The following LRRN2 variants were observed in gnomAD, a reference collection of about 807,000 sequenced individuals.
LRRN2 encodes the protein leucine rich repeat neuronal 2.
In LRRN2, 10 loss-of-function variants were observed where a neutral mutation model predicts 35.7. That is an observed-to-expected ratio of 0.28 (90% CI 0.17 to 0.47). LRRN2 has a LOEUF of 0.47. Ranked by LOEUF, LRRN2 falls within the 20% of genes least tolerant of loss-of-function variation. The probability of loss-of-function intolerance (pLI) is 0.99; values close to 1 mark genes in which losing one functional copy is unlikely to be tolerated. For synonymous variants in LRRN2, 391 were observed against 409.6 expected, an observed-to-expected ratio of 0.95 and a Z score of 0.55; for missense variants, 731 against 940.3, an observed-to-expected ratio of 0.78 and a Z score of 2.91.
chr1:204,675,885 G>T (rs1284552436), intron 1 of LRRN2, among the ~76,000 whole-genome samples: 1 of 152,226 alleles, frequency 6.6e-6, no homozygotes, highest in Non-Finnish European at 1.5e-5. Context: ...TTCTCCATGG[G>T]GGATATGCAG....
intron 1 of LRRN2, among the ~76,000 whole-genome samples, chr1:204,664,799 C>T (rs1268418598): frequency 1.3e-5 from 2 of 152,190 alleles, no homozygotes; most frequent in African/African-American, 4.8e-5. Flanking sequence ...CCGTCTTCTG[C>T]GTCTGCCTTG....
At chr1:204,683,617 G>A (rs1669001661) in intron 1 of LRRN2, among the ~76,000 whole-genome samples, 1 of 152,152 alleles carries the variant, frequency 6.6e-6, no homozygotes, top group South Asian at 2.1e-4. Context: ...CCCGGGAGGA[G>A]ACTGCATTAG....
chr1:204,617,979 A>G lies in LRRN2; in HGVS notation c.2014T>C (p.Trp672Arg), dbSNP rs755188032. 6.2e-7 allele frequency: 1 copy of G among 1,613,740 alleles called. No homozygotes were observed. Among genetic ancestry groups the G allele is most frequent in the South Asian group, 1.1e-5 (1 of 91,050 alleles). ...CGGACAGAAGGGGCACTCCAGCCCC[A>G]GAAAGCCCAGGCTGGAGGGAGAGGC... is the stretch of plus-strand genomic sequence containing the variant. The part of the protein sequence containing the change: ...RRPLPPAWAF[W>R]GWSAPSVRVV... Residue 672 changes from tryptophan (W) to arginine (R), a missense_variant, in exon 2 of 2, where the codon TGG becomes CGG. Trp to Arg is a moderately radical substitution (Grantham distance 101). Around this residue, in one of 3 missense-constraint regions of LRRN2, gnomAD observed 229 missense variants for 258.4 expected, o/e 0.89. Transcript: ENST00000367177.
intron 1 of LRRN2, among the ~76,000 whole-genome samples, chr1:204,682,681 C>T (rs968028004): frequency 6.6e-6 from 1 of 152,186 alleles, no homozygotes; most frequent in South Asian, 2.1e-4. Context: ...AAATTTGATT[C>T]CTTCCCCCTT....
rs1449587059 is a variant in LRRN2 at position 204,685,345 on chromosome 1, C to G, written c.-252G>C. ...CCCGTGGGCGCCGGGCACCGTCTGC[C>G]GTCTGCTGCCCGCGCGGCCGCGCTC... On this transcript the variant is annotated 5_prime_UTR_variant, in exon 1 of 2. Coordinates refer to ENST00000367177, the MANE Select transcript of LRRN2 (RefSeq NM_201630.2). 6.6e-6 allele frequency: 1 copy of G among 151,674 alleles called. No homozygotes were observed. Among genetic ancestry groups the G allele is most frequent in the African/African-American group, 2.4e-5 (1 of 41,360 alleles). 9.4% of individuals were successfully genotyped at this position (151,674 alleles called of 1,614,324 possible).
chr1:204,641,071 A>T (rs1384186264), intron 1 of LRRN2, among the ~76,000 whole-genome samples: 1 of 152,128 alleles, frequency 6.6e-6, no homozygotes, highest in Non-Finnish European at 1.5e-5. Context: ...GAGGGTTCTC[A>T]TGCCTGGATG....
chr1:204,644,597 A>T (rs1401327480), intron 1 of LRRN2, among the ~76,000 whole-genome samples: 1 of 152,148 alleles, frequency 6.6e-6, no homozygotes, highest in Admixed American at 6.5e-5. Flanking sequence ...CTCAGTTGTC[A>T]TCTCCTTTGT....
chr1:204,621,602 C>G (rs907954889), intron 1 of LRRN2: 3 of 167,120 alleles, frequency 1.8e-5, no homozygotes, highest in African/African-American at 7.2e-5. Flanking sequence ...GAATCAATCT[C>G]TGTGACTCCA....
In LRRN2 at chr1:204,619,930, G is replaced by A. The variant is rs556359797; in HGVS notation, c.63C>T (p.Pro21=). Reference sequence around the variant, plus strand: ...GGCAGGGAACATGCCAGGGTACCACGGGCACAGCGGCAGTGGCACCAGCCA... The same window carrying A: ...GGCAGGGAACATGCCAGGGTACCACAGGCACAGCGGCAGTGGCACCAGCCA... ...AWVAGATAAV[P]VVPWHVPCPP... Residue 21 remains proline, a synonymous_variant, in exon 2 of 2, where the codon CCC becomes CCT. Coordinates refer to ENST00000367177, the MANE Select transcript of LRRN2 (RefSeq NM_201630.2). 19 of 1,613,426 alleles carry A rather than the reference G, an allele frequency of 1.2e-5. 1 individual carries two copies. The Middle Eastern group carries it at 6.6e-4, about 56-fold the overall frequency.
chr1:204,626,947 T>A (rs984769831), intron 1 of LRRN2: 1 of 138,810 alleles, frequency 7.2e-6, no homozygotes, highest in African/African-American at 2.9e-5. Flanking sequence ...TTTTTCTTTT[T>A]TCTTTTTCTT....
intron 1 of LRRN2, among the ~76,000 whole-genome samples, chr1:204,684,501 C>T (rs1162167524): frequency 1.3e-5 from 2 of 152,202 alleles, no homozygotes; most frequent in Admixed American, 6.5e-5. Flanking sequence ...CTTCTCCGCT[C>T]GGCCCCAGAT....
Position 204,617,962 on chromosome 1 carries a change from A to G in LRRN2, c.2031T>C (p.Pro677=), listed in dbSNP as rs1666476755. Residue 677 remains proline (P), a synonymous_variant, in exon 2 of 2, where the codon CCT becomes CCC. Transcript: ENST00000367177. The part of the protein sequence containing the change: ...PAWAFWGWSA[P]SVRVVSAPLV... Reference sequence around the variant, plus strand: ...GGGGAGCAGACACAACCCGGACAGAAGGGGCACTCCAGCCCCAGAAAGCCC... The same window carrying G: ...GGGGAGCAGACACAACCCGGACAGAGGGGGCACTCCAGCCCCAGAAAGCCC... 6.2e-7 allele frequency: 1 copy of G among 1,613,946 alleles called. No homozygotes were observed. Among genetic ancestry groups the G allele is most frequent in the East Asian group, 2.2e-5 (1 of 44,870 alleles).
chr1:204,673,469 C>A (rs1161884045), intron 1 of LRRN2, among the ~76,000 whole-genome samples: 1 of 152,172 alleles, frequency 6.6e-6, no homozygotes, highest in Admixed American at 6.5e-5. Context: ...GAGACTGAGA[C>A]ACGTCCAGGG....
At chr1:204,683,777 T>G (rs1387428472) in intron 1 of LRRN2, among the ~76,000 whole-genome samples, 1 of 152,116 alleles carries the variant, frequency 6.6e-6, no homozygotes, top group African/African-American at 2.4e-5. Context: ...AGGAGAAGCC[T>G]GAGTCAGCAC....
At chr1:204,673,557 C>T (rs1399544029) in intron 1 of LRRN2, among the ~76,000 whole-genome samples, 2 of 152,234 alleles carry the variant, frequency 1.3e-5, no homozygotes, top group Non-Finnish European at 2.9e-5. Context: ...CTCTTCAGCA[C>T]ATCAGGCTGC....
At chr1:204,669,865 G>A (rs1029846920) in intron 1 of LRRN2, among the ~76,000 whole-genome samples, 4 of 152,160 alleles carry the variant, frequency 2.6e-5, no homozygotes, top group African/African-American at 9.7e-5. Context: ...AAGAGCATGG[G>A]AATCACTTAA....
intron 1 of LRRN2, among the ~76,000 whole-genome samples, chr1:204,670,095 T>C (rs1403205080): frequency 6.6e-6 from 1 of 152,040 alleles, no homozygotes; most frequent in African/African-American, 2.4e-5. Context: ...GATACAGCCA[T>C]ACCAATGAGA....
At chr1:204,634,389 T>C (rs897844286) in intron 1 of LRRN2, among the ~76,000 whole-genome samples, 1 of 152,188 alleles carries the variant, frequency 6.6e-6, no homozygotes, top group African/African-American at 2.4e-5. Flanking sequence ...GGGACTGTTA[T>C]GGGTTGAAGT....
intron 1 of LRRN2, among the ~76,000 whole-genome samples, chr1:204,670,198 G>C (rs1258214895): frequency 6.6e-6 from 1 of 152,122 alleles, no homozygotes; most frequent in Non-Finnish European, 1.5e-5. Flanking sequence ...ATGGACCCAG[G>C]TGCTGTTTAG....
Sources: allele counts gnomAD v4.1 joint callset (sites outside exome capture counted in the v4.1 genomes callset), GRCh38; gene constraint gnomAD v4.1.1; regional missense constraint gnomAD v4.1.1; transcripts MANE v1.5; gene names NCBI Gene and HGNC (gene_info 2026-07-23, HGNC 2026-07-21).